CNTNAP2: variants seen among roughly 807,000 people sequenced by gnomAD.
The protein encoded by CNTNAP2 is contactin-associated protein-like 2.
In CNTNAP2, 98 loss-of-function variants were observed where a neutral mutation model predicts 155.2. The ratio of observed to expected loss-of-function variants is 0.63; its 90% CI spans 0.54 to 0.75. The LOEUF (loss-of-function observed/expected upper bound fraction) is 0.75. Ranked by LOEUF, CNTNAP2 falls within the 30% of genes least tolerant of loss-of-function variation. The probability of loss-of-function intolerance (pLI) is 0.00; values close to 1 mark genes in which losing one functional copy is unlikely to be tolerated. For synonymous variants in CNTNAP2, 651 were observed against 631.2 expected, an observed-to-expected ratio of 1.03 and a Z score of -0.47; for missense variants, 1,727 against 1,688.1, an observed-to-expected ratio of 1.02 and a Z score of -0.40.
At chr7:146,568,853 T>A (rs1400190536) in intron 1 of CNTNAP2, among the ~76,000 whole-genome samples, 2 of 152,178 alleles carry the variant, frequency 1.3e-5, no homozygotes, top group Non-Finnish European at 2.9e-5. Context: ...ATTTACTTCC[T>A]AAACTTAATG....
chr7:147,720,371 T>G (rs1796546168), intron 13 of CNTNAP2, among the ~76,000 whole-genome samples: 2 of 152,138 alleles, frequency 1.3e-5, no homozygotes, highest in Admixed American at 1.3e-4. Flanking sequence ...CCATTTCCTT[T>G]CTTTCTGTTG....
In CNTNAP2 at chr7:148,294,039, CAAAAAAAAAAAAAAAA is replaced by C. The variant is rs10607772; in HGVS notation, c.3475+26926_3475+26941del. 2.1e-4 allele frequency among the ~76,000 whole-genome samples: 15 copies of C among 70,026 alleles called. 1 individual carries two copies. The highest frequency in any genetic ancestry group is 1.4e-3 in the Admixed American group (7 of 4,852). The allele number at this position is 70,026 out of a possible 152,430, so 45.9% of individuals were successfully genotyped here. ...TGGGCAGCAGAGCGAGGCTCCATCT[CAAAAAAAAAAAAAAAA>C]AAAAAAAAAAAAGAATCTAAACCCT... On this transcript the variant is annotated intron_variant, in intron 21 of 23. Transcript: ENST00000361727.
intron 21 of CNTNAP2, among the ~76,000 whole-genome samples, chr7:148,305,497 A>G (rs145109728): frequency 4.4e-4 from 67 of 152,292 alleles, no homozygotes; most frequent in Non-Finnish European, 4.7e-4. Flanking sequence ...TCCTTCTGCT[A>G]TAAAGAACTA....
At chr7:148,413,401 AAT>A (rs1226281346) in intron 23 of CNTNAP2, among the ~76,000 whole-genome samples, 6 of 45,366 alleles carry the variant, frequency 1.3e-4, no homozygotes, top group African/African-American at 6.3e-4. Context: ...TCAAAAAAAA[AAT>A]ATATATATAT....
intron 13 of CNTNAP2, among the ~76,000 whole-genome samples, chr7:147,890,764 A>G (rs917086248): frequency 1.3e-5 from 2 of 152,172 alleles, no homozygotes; most frequent in African/African-American, 4.8e-5. Flanking sequence ...GCACTCATAG[A>G]ATTAGAGAGT....
chr7:147,585,410 T>C (rs1800598671), intron 12 of CNTNAP2, among the ~76,000 whole-genome samples: 1 of 149,620 alleles, frequency 6.7e-6, no homozygotes, highest in Non-Finnish European at 1.5e-5. Flanking sequence ...ATATTTGATA[T>C]AAAATTATAT....
chr7:146,882,808 G>A (rs970665009), intron 3 of CNTNAP2, among the ~76,000 whole-genome samples: 3 of 152,064 alleles, frequency 2.0e-5, no homozygotes, highest in South Asian at 2.1e-4. Flanking sequence ...TCAAGAATGC[G>A]ATACCTTTTA....
intron 20 of CNTNAP2, among the ~76,000 whole-genome samples, chr7:148,251,344 C>G (rs373919250): frequency 2.6e-5 from 4 of 152,200 alleles, no homozygotes; most frequent in Admixed American, 2.0e-4. Context: ...ATGCAGGTGG[C>G]AAGATTTGTC....
chr7:146,624,801 G>A (rs373847005), intron 1 of CNTNAP2, among the ~76,000 whole-genome samples: 1 of 151,868 alleles, frequency 6.6e-6, no homozygotes, highest in African/African-American at 2.4e-5. Context: ...TGAATCTATA[G>A]GTCAGTGTAG....
chr7:147,524,830 C>G (rs1357368119), intron 11 of CNTNAP2, among the ~76,000 whole-genome samples: 1 of 152,182 alleles, frequency 6.6e-6, no homozygotes, highest in African/African-American at 2.4e-5. Flanking sequence ...GAAACCACAG[C>G]TCTAGTGGTC....
At chr7:148,115,228 C>T (rs1021984101) in intron 15 of CNTNAP2, among the ~76,000 whole-genome samples, 3 of 152,198 alleles carry the variant, frequency 2.0e-5, no homozygotes, top group South Asian at 2.1e-4. Flanking sequence ...CTACTTTTCT[C>T]CTCTCTGCGG....
In CNTNAP2 at chr7:146,738,986, C is replaced by T. The variant is rs769483902; in HGVS notation, c.98-35285C>T. ...TGTATTTCTGTTGCATCAGTTATAA[C>T]GTCTCGTCTCTTTGTTTCTGACTTA... On this transcript the variant is annotated intron_variant, in intron 1 of 23. Coordinates refer to ENST00000361727, the MANE Select transcript of CNTNAP2 (RefSeq NM_014141.6). 1.8e-4 allele frequency among the ~76,000 whole-genome samples: 27 copies of T among 151,814 alleles called. No homozygotes were observed. The East Asian group carries it at 2.3e-3, about 13-fold the overall frequency.
intron 12 of CNTNAP2, among the ~76,000 whole-genome samples, chr7:147,612,868 T>C (rs758090801): frequency 6.6e-6 from 1 of 152,230 alleles, no homozygotes; most frequent in Admixed American, 6.5e-5. Flanking sequence ...GTTTCATAAA[T>C]ATACTTCTAA....
intron 4 of CNTNAP2, among the ~76,000 whole-genome samples, chr7:147,056,765 G>T (rs528918696): frequency 6.6e-6 from 1 of 152,106 alleles, no homozygotes; most frequent in East Asian, 1.9e-4. Context: ...TTGTTTGTTT[G>T]TTTGTTCATT....
chr7:148,169,959 C>CA (rs398112005), intron 17 of CNTNAP2, among the ~76,000 whole-genome samples: 52,177 of 144,160 alleles, frequency 0.36, 9,457 homozygotes, highest in Middle Eastern at 0.46. Flanking sequence ...AAATCCGCCT[C>CA]AAAAAAAAAA....
chr7:147,805,721 A>G (rs546732246), intron 13 of CNTNAP2, among the ~76,000 whole-genome samples: 5 of 152,316 alleles, frequency 3.3e-5, no homozygotes, highest in East Asian at 3.9e-4. Flanking sequence ...GATGTGATGT[A>G]TCACTTTTAC....
chr7:147,937,528 G>A (rs1199361802), intron 14 of CNTNAP2, among the ~76,000 whole-genome samples: 1 of 152,004 alleles, frequency 6.6e-6, no homozygotes, highest in Non-Finnish European at 1.5e-5. Context: ...TATACATTCT[G>A]GTACCTTAGT....
intron 13 of CNTNAP2, among the ~76,000 whole-genome samples, chr7:147,886,638 G>GAACTA (rs1267391481): frequency 6.6e-6 from 1 of 151,996 alleles, no homozygotes; most frequent in Non-Finnish European, 1.5e-5. Context: ...TTATTGTGCA[G>GAACTA]AACTATCTAA....
rs576899009 is a variant in CNTNAP2 at position 146,289,971 on chromosome 7, C to T, written c.97+172998C>T. Among the ~76,000 whole-genome samples, 12 of 152,162 alleles carry T rather than the reference C, an allele frequency of 7.9e-5. No homozygotes were observed. The East Asian group carries it at 2.3e-3, about 29-fold the overall frequency. ...TTATTATTATTTTAAGAAATGAAAA[C>T]TTATAAATCATATAGCTTGGAAGAT... On this transcript the variant is annotated intron_variant, in intron 1 of 23. Coordinates refer to ENST00000361727, the MANE Select transcript of CNTNAP2 (RefSeq NM_014141.6).
Sources: allele counts gnomAD v4.1 joint callset (sites outside exome capture counted in the v4.1 genomes callset), GRCh38; gene constraint gnomAD v4.1.1; transcripts MANE v1.5; gene names NCBI Gene and HGNC (gene_info 2026-07-23, HGNC 2026-07-21).